PKHD1L1: variants seen among roughly 807,000 people sequenced by gnomAD.
PKHD1L1 encodes the protein PKHD1 like 1.
PKHD1L1 carries 434 observed loss-of-function variants against 462.9 expected under a neutral mutation model. That is an observed-to-expected ratio of 0.94 (90% CI 0.87 to 1.02). The LOEUF (loss-of-function observed/expected upper bound fraction) is 1.02. PKHD1L1 is among the 50% of genes least tolerant of loss of function. The pLI is 0.00. For missense variants in PKHD1L1, 5,202 were observed against 5,096.1 expected, an observed-to-expected ratio of 1.02 and a Z score of -0.63; for synonymous variants, 1,781 against 1,750.0, an observed-to-expected ratio of 1.02 and a Z score of -0.44.
In PKHD1L1 at chr8:109,470,649, T is replaced by C. The variant is rs572930522; in HGVS notation, c.8605+3880T>C. On this transcript the variant is annotated intron_variant, in intron 50 of 77. Coordinates refer to ENST00000378402, the MANE Select transcript of PKHD1L1 (RefSeq NM_177531.6). ...CAGTGTCCCAACTAGAATTGAAAAG[T>C]TTGATATCAAAGTCAGTAAGCTGAG... 1,059 of 1,573,986 alleles carry C rather than the reference T, an allele frequency of 6.7e-4. 7 individuals carry two copies. The African/African-American group carries it at 0.013, about 19-fold the overall frequency.
In PKHD1L1 at chr8:109,507,722, T is replaced by C. The variant is rs367687440; in HGVS notation, c.11054T>C (p.Leu3685Pro). ...TGTGATGCCAAGAGGAAATCTTTTC[T>C]TAGAGACATAGATGGCTCCTTTCTG... ...MVCDAKRKSFLRDIDGSFLGN... is the reference protein window; with the variant it reads ...MVCDAKRKSFPRDIDGSFLGN... Residue 3685 changes from leucine to proline, a missense_variant, in exon 69 of 78, where the codon CTT (leucine) becomes CCT (proline). Leu to Pro is a moderately conservative substitution (Grantham distance 98). Transcript: ENST00000378402. 1.3e-4 allele frequency: 204 copies of C among 1,613,432 alleles called. 1 individual carries two copies. Among genetic ancestry groups the C allele is most frequent in the Non-Finnish European group, 2.5e-5 (30 of 1,179,656 alleles).
At chr8:109,471,447 C>T (rs1316187104) in intron 50 of PKHD1L1, among the ~76,000 whole-genome samples, 2 of 152,162 alleles carry the variant, frequency 1.3e-5, no homozygotes, top group African/African-American at 2.4e-5. Flanking sequence ...TTGAAATTTA[C>T]ACAGTGAGAC....
At chr8:109,439,121 G>A (rs535911986) in intron 32 of PKHD1L1, 29 bp downstream of exon 32, 6 of 1,584,640 alleles carry the variant, frequency 3.8e-6, no homozygotes, top group Non-Finnish European at 4.3e-6. Flanking sequence ...ACTTGATGGA[G>A]TTGTAGAACA....
intron 28 of PKHD1L1, among the ~76,000 whole-genome samples, chr8:109,434,893 T>TA (rs560806003): frequency 9.5e-5 from 14 of 146,722 alleles, no homozygotes; most frequent in Admixed American, 8.0e-4. Context: ...GTTTTTTTTT[T>TA]AAAAAAATTA....
In PKHD1L1 at chr8:109,448,270, C is replaced by G; in HGVS notation, c.5904C>G (p.Ile1968Met). Reference sequence around the variant, plus strand: ...CCAATGATAGTGTGGTGCAGTGCATCGTGGGAGATCATGCTGGGGGCACAT... The same window carrying G: ...CCAATGATAGTGTGGTGCAGTGCATGGTGGGAGATCATGCTGGGGGCACAT... ...TMANDSVVQC[I>M]VGDHAGGTFP... Residue 1968 changes from isoleucine (I) to methionine (M), a missense_variant, in exon 39 of 78, where the codon ATC (isoleucine) becomes ATG (methionine). Coordinates refer to ENST00000378402, the MANE Select transcript of PKHD1L1 (RefSeq NM_177531.6). 1.2e-6 allele frequency: 2 copies of G among 1,613,336 alleles called. No homozygotes were observed. The highest frequency in any genetic ancestry group is 2.7e-5 in the African/African-American group (2 of 74,912).
intron 2 of PKHD1L1, among the ~76,000 whole-genome samples, chr8:109,376,643 A>C (rs1222745446): frequency 1.3e-5 from 2 of 151,766 alleles, no homozygotes; most frequent in Non-Finnish European, 2.9e-5. Flanking sequence ...TCTTGACTCC[A>C]CCCCCCAAAT....
chr8:109,520,131 G>A (rs1820473868), intron 73 of PKHD1L1, among the ~76,000 whole-genome samples: 1 of 152,106 alleles, frequency 6.6e-6, no homozygotes, highest in Non-Finnish European at 1.5e-5. Context: ...TTGGTTAGAA[G>A]AGCGTAGGAA....
At chr8:109,468,729 A>G (rs1223031603) in intron 50 of PKHD1L1, among the ~76,000 whole-genome samples, 2 of 152,174 alleles carry the variant, frequency 1.3e-5, no homozygotes, top group African/African-American at 4.8e-5. Flanking sequence ...TTAGCATGTT[A>G]GCATTGGTGA....
intron 27 of PKHD1L1, among the ~76,000 whole-genome samples, chr8:109,431,362 T>A (rs1672404318): frequency 6.6e-6 from 1 of 152,206 alleles, no homozygotes; most frequent in South Asian, 2.1e-4. Context: ...CATTGTGTCA[T>A]ATTTACTTCC....
chr8:109,443,077 C>T lies in PKHD1L1; in HGVS notation c.4525C>T (p.His1509Tyr), dbSNP rs775158603. Residue 1509 changes from histidine (H) to tyrosine (Y), a missense_variant, in exon 36 of 78, where the codon CAC becomes TAC. Around this residue, in one of 3 missense-constraint regions of PKHD1L1, gnomAD observed 4,497 missense variants for 4,336.8 expected, o/e 1.04. Transcript: ENST00000378402. The part of the protein sequence containing the change: ...LPAETRHIPL[H>Y]LFVGRSEATY... The stretch of plus-strand genomic sequence containing the variant: ...AGCTGAAACCAGACACATTCCCTTG[C>T]ACCTGTTTGTGGGTCGCTCTGAAGC... The T allele has an allele frequency of 3.7e-6, 6 of 1,613,510 alleles. No individual in the cohort carries two copies. The South Asian group carries it at 5.5e-5, about 15-fold the overall frequency.
At chr8:109,485,904 TAAAGA>T (rs571845600) in intron 58 of PKHD1L1, among the ~76,000 whole-genome samples, 28 of 152,122 alleles carry the variant, frequency 1.8e-4, no homozygotes, top group Admixed American at 1.2e-3. Flanking sequence ...CTTTAAATCA[TAAAGA>T]AAAGTTTTAT....
chr8:109,449,570 T>A, intron 40 of PKHD1L1, 83 bp downstream of exon 40: 1 of 1,242,890 alleles, frequency 8.0e-7, no homozygotes, highest in South Asian at 1.9e-5. Context: ...TTCAAGTTCT[T>A]GGATTCCTTG....
At chr8:109,484,414 G>A (rs1818424704) in intron 57 of PKHD1L1, among the ~76,000 whole-genome samples, 2 of 151,816 alleles carry the variant, frequency 1.3e-5, no homozygotes, top group Admixed American at 6.6e-5. Context: ...GATAGTAAAT[G>A]AACAAATAAA....
intron 10 of PKHD1L1, among the ~76,000 whole-genome samples, chr8:109,395,732 G>T (rs571947956): frequency 1.6e-4 from 24 of 152,258 alleles, no homozygotes; most frequent in Admixed American, 1.6e-3. Context: ...ACCTGCCTTC[G>T]TGCTCAGCTC....
intron 9 of PKHD1L1, among the ~76,000 whole-genome samples, chr8:109,391,225 G>A (rs544641165): frequency 1.3e-5 from 2 of 152,120 alleles, no homozygotes; most frequent in African/African-American, 4.8e-5. Flanking sequence ...TTACCCACTG[G>A]GAAAATGAGA....
chr8:109,467,615 G>C (rs1265133668), intron 50 of PKHD1L1, among the ~76,000 whole-genome samples: 1 of 151,980 alleles, frequency 6.6e-6, no homozygotes, highest in African/African-American at 2.4e-5. Flanking sequence ...GACTGGCTCA[G>C]ATCTGTATCT....
In PKHD1L1 at chr8:109,526,802, A is replaced by G; in HGVS notation, c.12503A>G (p.Glu4168Gly). 1 of 1,552,886 alleles carries G rather than the reference A, an allele frequency of 6.4e-7. No individual in the cohort carries two copies. The highest frequency in any genetic ancestry group is 1.7e-4 in the Middle Eastern group (1 of 5,986). Residue 4168 changes from glutamate (E) to glycine (G), a missense_variant, in exon 77 of 78, where the codon GAA (glutamate) becomes GGA (glycine). This residue lies in a region of PKHD1L1 where 698 missense variants were observed against 736.3 expected (regional missense o/e 0.95). Coordinates refer to ENST00000378402, the MANE Select transcript of PKHD1L1 (RefSeq NM_177531.6). Reference sequence around the variant, plus strand: ...TTTCCAGGAAAAAATTATAAGATTGAATTTATACTGGATAATGTTGTTGGG... The same window carrying G: ...TTTCCAGGAAAAAATTATAAGATTGGATTTATACTGGATAATGTTGTTGGG... ...PLRTGKNYKI[E>G]FILDNVVGVE...
intron 50 of PKHD1L1, chr8:109,470,754 T>C (rs1265592077): frequency 1.9e-6 from 3 of 1,546,774 alleles, no homozygotes; most frequent in Non-Finnish European, 2.6e-6. Context: ...AGTTTCTGAG[T>C]GGTAGGGAGG....
intron 2 of PKHD1L1, among the ~76,000 whole-genome samples, chr8:109,366,798 T>A (rs571512754): frequency 7.9e-5 from 12 of 151,162 alleles, no homozygotes; most frequent in Admixed American, 6.6e-4. Flanking sequence ...GTTCAAGCAA[T>A]TGTCCTGCCT....
Sources: allele counts gnomAD v4.1 joint callset (sites outside exome capture counted in the v4.1 genomes callset), GRCh38; gene constraint gnomAD v4.1.1; regional missense constraint gnomAD v4.1.1; transcripts MANE v1.5; gene names NCBI Gene and HGNC (gene_info 2026-07-23, HGNC 2026-07-21).